MRPS15: variants seen among roughly 807,000 people sequenced by gnomAD.
MRPS15 encodes mitochondrial ribosomal protein S15.
MRPS15 carries 25 observed loss-of-function variants against 30.7 expected under a neutral mutation model. The observed-to-expected ratio is 0.81, with a 90% CI of 0.59 to 1.14. MRPS15 has a LOEUF of 1.14. Ranked by LOEUF, MRPS15 falls within the 50% of genes most tolerant of loss-of-function variation. The pLI, the probability that MRPS15 is intolerant of heterozygous loss-of-function variation, is 0.00. For synonymous variants in MRPS15, 124 were observed against 120.1 expected, an observed-to-expected ratio of 1.03 and a Z score of -0.21; for missense variants, 313 against 321.7, an observed-to-expected ratio of 0.97 and a Z score of 0.21.
chr1:36,457,731 G>C (rs969042246), intron 6 of MRPS15, among the ~76,000 whole-genome samples, 192 bp downstream of exon 6: 38 of 152,194 alleles, frequency 2.5e-4, no homozygotes, highest in African/African-American at 9.2e-4. Flanking sequence ...CAGTGATCAT[G>C]CTCTCAAGTT....
Position 36,460,764 on chromosome 1 carries a change from T to G in MRPS15, c.313A>C (p.Lys105Gln). The G allele has an allele frequency of 6.2e-7, 1 of 1,614,038 alleles. No individual in the cohort carries two copies. The highest frequency in any genetic ancestry group is 1.1e-5 in the South Asian group (1 of 91,084). Reference sequence around the variant, plus strand: ...TTCATAAACTGTTCTTGCTTGATTTTTAGCATCTCCTTCTGTTGAAGACAG... The same window carrying G: ...TTCATAAACTGTTCTTGCTTGATTTGTAGCATCTCCTTCTGTTGAAGACAG... The part of the protein sequence containing the change: ...LEMANKKEML[K>Q]IKQEQFMKKI... Residue 105 changes from lysine (K) to glutamine (Q), a missense_variant, in exon 5 of 8, where the codon AAA (lysine) becomes CAA (glutamine). Physicochemically the swap from Lys to Gln is moderately conservative, Grantham distance 53. Transcript: ENST00000373116.
At chr1:36,460,873 T>C in intron 4 of MRPS15, 97 bp from the exon 5 acceptor site, 1 of 1,000,402 alleles carries the variant, frequency 1.0e-6, no homozygotes, top group Admixed American at 2.0e-5. Flanking sequence ...TTATAGCAAC[T>C]AGGGCCATAA....
chr1:36,457,899 CTG>C, intron 6 of MRPS15, 22 bp downstream of exon 6: 7 of 1,612,790 alleles, frequency 4.3e-6, no homozygotes, highest in Non-Finnish European at 4.2e-6. Context: ...TGCTGTTTAA[CTG>C]TGAATGACGT....
chr1:36,461,046 T>C (rs1163105843), intron 4 of MRPS15, among the ~76,000 whole-genome samples: 1 of 152,228 alleles, frequency 6.6e-6, no homozygotes, highest in Non-Finnish European at 1.5e-5. Context: ...ATTCATTCAC[T>C]GAGCACCTGT....
Position 36,455,884 on chromosome 1 carries a change from G to A in MRPS15, c.678C>T (p.Ala226=). 1.9e-6 allele frequency: 3 copies of A among 1,614,056 alleles called. No homozygotes were observed. Among genetic ancestry groups the A allele is most frequent in the South Asian group, 1.1e-5 (1 of 91,072 alleles). ...TTTGGGCTGCTGCTGCAGCCTTTAA[G>A]GCTCTTCTTCGCTTCTTCAGCTTTT... ...ETQKLKKRRR[A]LKAAAAAQKQ... The change falls in exon 8 of 8, where the codon GCC becomes GCT. Residue 226 remains alanine, a synonymous_variant. Transcript: ENST00000373116.
Position 36,460,776 on chromosome 1 carries a change from T to A in MRPS15, c.301A>T (p.Lys101Ter), listed in dbSNP as rs1162674573. ...TCTTGCTTGATTTTTAGCATCTCCTTCTGTTGAAGACAGAGACAGAGAAAA... is the reference window on the plus strand; with the variant it reads ...TCTTGCTTGATTTTTAGCATCTCCTACTGTTGAAGACAGAGACAGAGAAAA... ...RLLSLEMANK[K>*]EMLKIKQEQF... Residue 101 changes from lysine (K) to a stop codon, truncating the protein, a stop_gained and splice_region_variant, in exon 5 of 8, where the codon AAG becomes TAG. Coordinates refer to ENST00000373116, the MANE Select transcript of MRPS15 (RefSeq NM_031280.4). LOFTEE classifies it high-confidence loss of function. 6.2e-7 allele frequency: 1 copy of A among 1,613,538 alleles called. No individual in the cohort carries two copies.
intron 5 of MRPS15, chr1:36,459,085 A>C (rs967783264): frequency 6.6e-6 from 1 of 152,298 alleles, no homozygotes; most frequent in African/African-American, 2.4e-5. Flanking sequence ...ACTGAGTAAT[A>C]ATGGAAAGGC....
In MRPS15 at chr1:36,463,697, C is replaced by T. The variant is rs756747199; in HGVS notation, c.175+109G>A. 4.5e-6 allele frequency: 6 copies of T among 1,339,178 alleles called. No homozygotes were observed. The African/African-American group carries it at 8.9e-5, about 20-fold the overall frequency. The allele number at this position is 1,339,178 out of a possible 1,614,324, so 83.0% of individuals were successfully genotyped here. A position where few individuals can be genotyped will look rare whatever the true frequency, so the allele number is the denominator to read the frequency against. Reference sequence around the variant, plus strand: ...ACGTGGGGTCTTTTGCTCAGGACCTCTGGCTCACCTCATCTAGTGGCTCTA... The same window carrying T: ...ACGTGGGGTCTTTTGCTCAGGACCTTTGGCTCACCTCATCTAGTGGCTCTA... On this transcript the variant is annotated intron_variant, in intron 2 of 7. Transcript: ENST00000373116.
intron 5 of MRPS15, 136 bp downstream of exon 5, chr1:36,460,556 A>G (rs1050512209): frequency 2.9e-6 from 2 of 682,178 alleles, no homozygotes; most frequent in Non-Finnish European, 5.1e-6. Flanking sequence ...ACAGGGTCCA[A>G]TTTTCATTGC....
intron 3 of MRPS15, 34 bp from the exon 4 acceptor site, chr1:36,461,346 G>C: frequency 6.3e-7 from 1 of 1,596,388 alleles, no homozygotes; most frequent in East Asian, 2.2e-5. Flanking sequence ...GACAGACATT[G>C]GGGGAGAAGA....
intron 6 of MRPS15, among the ~76,000 whole-genome samples, chr1:36,456,992 T>C (rs893786855): frequency 1.7e-4 from 26 of 152,288 alleles, no homozygotes; most frequent in African/African-American, 6.3e-4. Context: ...TGGTTAAGAA[T>C]ATGGCTGGCC....
Position 36,457,936 on chromosome 1 carries a change from T to G in MRPS15, c.431A>C (p.Glu144Ala). 1 of 1,614,198 alleles carries G rather than the reference T, an allele frequency of 6.2e-7. No individual in the cohort carries two copies. Among genetic ancestry groups the G allele is most frequent in the African/African-American group, 1.3e-5 (1 of 75,054 alleles). The change falls in exon 6 of 8, where the codon GAG becomes GCG. Residue 144 changes from glutamate to alanine, a missense_variant. By Grantham distance (107) the Glu-to-Ala change is moderately radical. Coordinates refer to ENST00000373116, the MANE Select transcript of MRPS15 (RefSeq NM_031280.4). Reference sequence around the variant, plus strand: ...TCCAGAGTTTACCTTTCGATGTTTCTCCAAGTGTTCTTCATAACTGCGGAT... The same window carrying G: ...TCCAGAGTTTACCTTTCGATGTTTCGCCAAGTGTTCTTCATAACTGCGGAT... ...VKIRSYEEHL[E>A]KHRKDKAHKR...
Position 36,457,926 on chromosome 1 carries a change from T to C in MRPS15, c.441A>G (p.Arg147=). The part of the protein sequence containing the change: ...RSYEEHLEKH[R]KDKAHKRYLL... ...GTGAATGACGTCCAGAGTTTACCTT[T>C]CGATGTTTCTCCAAGTGTTCTTCAT... The change falls in exon 6 of 8, where the codon CGA becomes CGG. Residue 147 remains arginine (R), a synonymous_variant. Transcript: ENST00000373116. The C allele has an allele frequency of 6.2e-7, 1 of 1,614,200 alleles. No homozygotes were observed. The highest frequency in any genetic ancestry group is 1.7e-5 in the Admixed American group (1 of 60,030).
rs1173022415 is a variant in MRPS15 at position 36,458,270 on chromosome 1, C to T, written c.386-289G>A. The T allele has an allele frequency of 6.4e-6, 2 of 313,998 alleles. No homozygotes were observed. The highest frequency in any genetic ancestry group is 4.3e-5 in the African/African-American group (2 of 46,078). 19.5% of individuals were successfully genotyped at this position (313,998 alleles called of 1,614,324 possible). A position where few individuals can be genotyped will look rare whatever the true frequency, so the allele number is the denominator to read the frequency against. ...TTGAGACGGAGTCTCGCTCTGTTGC[C>T]CAGGCTGGAGTGCAGTGGTGCGATC... On this transcript the variant is annotated intron_variant, in intron 5 of 7. Coordinates refer to ENST00000373116, the MANE Select transcript of MRPS15 (RefSeq NM_031280.4). This position sits in a 1 kb window ranked among gnomAD's most constrained non-coding sequence, Gnocchi z 4.5.
At position 36,464,186 on chromosome 1, in the gene MRPS15, G is replaced by T. The variant is rs1186772206; in HGVS notation, c.90C>A (p.Ser30Arg). ...VLVPGLPGGGSAKFPFNQWGL... is the reference protein window; with the variant it reads ...VLVPGLPGGGRAKFPFNQWGL... ...CCCACTGGTTGAAAGGAAACTTGGC[G>T]CTCCCACCGCCCGGCAGCCCGGGTA... Residue 30 changes from serine (S) to arginine (R), a missense_variant, in exon 1 of 8, where the codon AGC becomes AGA. Transcript: ENST00000373116. The T allele has an allele frequency of 1.9e-6, 3 of 1,613,874 alleles. No individual in the cohort carries two copies. The South Asian group carries it at 3.3e-5, about 18-fold the overall frequency.
chr1:36,460,161 C>T (rs1266708326), intron 5 of MRPS15, among the ~76,000 whole-genome samples: 3 of 152,158 alleles, frequency 2.0e-5, no homozygotes, highest in Admixed American at 1.3e-4. Context: ...GCGCCCGCCA[C>T]CATGCCCGGC....
chr1:36,459,690 A>T (rs546098974), intron 5 of MRPS15: 1 of 152,652 alleles, frequency 6.6e-6, no homozygotes, highest in Non-Finnish European at 1.5e-5. Flanking sequence ...ACCAGACTTT[A>T]ATCCCTGGCA....
chr1:36,462,320 A>C (rs924253852), intron 2 of MRPS15, among the ~76,000 whole-genome samples, 157 bp from the exon 3 acceptor site: 2 of 152,190 alleles, frequency 1.3e-5, no homozygotes, highest in African/African-American at 4.8e-5. Flanking sequence ...TCTCCTTTGC[A>C]AACTCCGTGG....
Position 36,461,404 on chromosome 1 carries a change from T to C in MRPS15, c.252-92A>G, listed in dbSNP as rs1014339940. ...TTTTAGTTTGAAAAGCAAAGATGAT[T>C]GAAAAATTCCTTCTGTAGCAAATGA... On this transcript the variant is annotated intron_variant, in intron 3 of 7. Coordinates refer to ENST00000373116, the MANE Select transcript of MRPS15 (RefSeq NM_031280.4). 33 of 1,229,746 alleles carry C rather than the reference T, an allele frequency of 2.7e-5. No homozygotes were observed. The East Asian group carries it at 6.3e-4, about 23-fold the overall frequency. 76.2% of individuals were successfully genotyped at this position (1,229,746 alleles called of 1,614,324 possible). A position where few individuals can be genotyped will look rare whatever the true frequency, so the allele number is the denominator to read the frequency against.
Sources: gnomAD v4.1 joint callset for allele counts (sites outside exome capture counted in the v4.1 genomes callset) on GRCh38, gnomAD v4.1.1 for gene constraint, Gnocchi (gnomAD v3.1) non-coding constraint, MANE v1.5 for transcripts, NCBI Gene and HGNC (gene_info 2026-07-23, HGNC 2026-07-21) for gene names.